STT3B: variants seen among roughly 807,000 people sequenced by gnomAD.
STT3B encodes the protein STT3 oligosaccharyltransferase complex catalytic subunit B.
A neutral mutation model predicts 96.8 loss-of-function variants in STT3B; 29 were observed. The observed-to-expected ratio is 0.30, with a 90% CI of 0.22 to 0.41. STT3B has a LOEUF of 0.41. Among genes scored for constraint, STT3B ranks in the 10% least tolerant of loss-of-function variants. The pLI, the probability that STT3B is intolerant of heterozygous loss-of-function variation, is 1.00. For synonymous variants in STT3B, 367 were observed against 360.0 expected, an observed-to-expected ratio of 1.02 and a Z score of -0.22; for missense variants, 640 against 1,022.3, an observed-to-expected ratio of 0.63 and a Z score of 5.10.
chr3:31,619,775 C>T lies in STT3B; in HGVS notation c.1272C>T (p.Thr424=). The change falls in exon 9 of 16, where the codon ACC becomes ACT. Residue 424 remains threonine, a synonymous_variant. Coordinates refer to ENST00000295770, the MANE Select transcript of STT3B (RefSeq NM_178862.3). The part of the protein sequence containing the change: ...FFFDLHILVC[T]FPAGLWFCIK... Reference sequence around the variant, plus strand: ...TTGATCTACATATTCTTGTATGTACCTTCCCAGCAGGCCTTTGGTTCTGCA... The same window carrying T: ...TTGATCTACATATTCTTGTATGTACTTTCCCAGCAGGCCTTTGGTTCTGCA... 6.2e-7 allele frequency: 1 copy of T among 1,613,802 alleles called. No individual in the cohort carries two copies. Among genetic ancestry groups the T allele is most frequent in the Non-Finnish European group, 8.5e-7 (1 of 1,179,886 alleles).
chr3:31,599,778 A>G (rs1405148246), intron 4 of STT3B, among the ~76,000 whole-genome samples: 1 of 152,206 alleles, frequency 6.6e-6, no homozygotes, highest in Non-Finnish European at 1.5e-5. Flanking sequence ...TTCTGGCTAA[A>G]TAGTGTATAT....
At chr3:31,605,047 A>G (rs1157737704) in intron 5 of STT3B, among the ~76,000 whole-genome samples, 1 of 152,212 alleles carries the variant, frequency 6.6e-6, no homozygotes, top group Non-Finnish European at 1.5e-5. Flanking sequence ...ATAGATGAAC[A>G]CAAAAAAATA....
At chr3:31,626,674 G>GCAATAA (rs1226827879) in intron 13 of STT3B, among the ~76,000 whole-genome samples, 23 of 152,278 alleles carry the variant, frequency 1.5e-4, no homozygotes, top group Non-Finnish European at 2.5e-4. Flanking sequence ...ACTAGGTCTA[G>GCAATAA]TTCTAGGATC....
chr3:31,543,147 C>T (rs933814776), intron 1 of STT3B, among the ~76,000 whole-genome samples: 13 of 151,140 alleles, frequency 8.6e-5, no homozygotes, highest in African/African-American at 2.9e-4. Flanking sequence ...CTGTGTCTTA[C>T]GTGAGAGGTC....
chr3:31,557,890 A>T (rs1337842884), intron 1 of STT3B, among the ~76,000 whole-genome samples: 1 of 152,176 alleles, frequency 6.6e-6, no homozygotes, highest in African/African-American at 2.4e-5. Context: ...TCAGCCTCCC[A>T]AAGTGTTGGG....
intron 5 of STT3B, among the ~76,000 whole-genome samples, chr3:31,607,993 G>A (rs915168538): frequency 1.3e-5 from 2 of 152,196 alleles, no homozygotes; most frequent in African/African-American, 2.4e-5. Context: ...AATTAAACAA[G>A]TAGTTTTGAT....
rs749665192 is a variant in STT3B, at chr3:31,622,171, G to A, written c.1402G>A (p.Val468Met). Residue 468 changes from valine (V) to methionine (M), a missense_variant, in exon 10 of 16, where the codon GTG becomes ATG. By Grantham distance (21) the Val-to-Met change is conservative (BLOSUM62 1). Transcript: ENST00000295770. ...VRLMLTLTPV[V>M]CMLSAIAFSN... ...ACTGATGTTGACTTTGACTCCAGTCGTGTGTATGCTGTCTGCAATTGCCTT... is the reference window on the plus strand; with the variant it reads ...ACTGATGTTGACTTTGACTCCAGTCATGTGTATGCTGTCTGCAATTGCCTT... 1.2e-6 allele frequency: 2 copies of A among 1,614,098 alleles called. No individual in the cohort carries two copies. Among genetic ancestry groups the A allele is most frequent in the South Asian group, 1.1e-5 (1 of 91,084 alleles).
intron 2 of STT3B, among the ~76,000 whole-genome samples, chr3:31,577,007 A>G (rs1489520902): frequency 2.6e-5 from 4 of 152,148 alleles, no homozygotes; most frequent in African/African-American, 9.6e-5. Flanking sequence ...AAAGGCAAAT[A>G]TTTTTAGGAT....
At chr3:31,555,537 C>T (rs1013862330) in intron 1 of STT3B, among the ~76,000 whole-genome samples, 1 of 152,008 alleles carries the variant, frequency 6.6e-6, no homozygotes, top group Admixed American at 6.6e-5. Context: ...TCTGTTTTGG[C>T]CCTGATTGCT....
chr3:31,620,497 C>T (rs911923721), intron 9 of STT3B, among the ~76,000 whole-genome samples: 2 of 152,082 alleles, frequency 1.3e-5, no homozygotes, highest in Non-Finnish European at 2.9e-5. Context: ...TTCCAGATTT[C>T]AGAGCAAAGA....
At chr3:31,593,527 TTTTATC>T (rs1484268387) in intron 3 of STT3B, among the ~76,000 whole-genome samples, 1 of 152,126 alleles carries the variant, frequency 6.6e-6, no homozygotes, top group African/African-American at 2.4e-5. Context: ...CTTTAAATGT[TTTTATC>T]TGTCTGTCTT....
chr3:31,628,565 G>A (rs1246833740), intron 13 of STT3B, among the ~76,000 whole-genome samples: 8 of 152,180 alleles, frequency 5.3e-5, no homozygotes, highest in African/African-American at 1.9e-4. Context: ...TTCTGACTCA[G>A]AAATTACATT....
intron 1 of STT3B, among the ~76,000 whole-genome samples, chr3:31,554,755 C>G (rs957352000): frequency 1.3e-5 from 2 of 152,148 alleles, no homozygotes; most frequent in Non-Finnish European, 2.9e-5. Flanking sequence ...CAGATTCTTA[C>G]AGACCCTCAC....
intron 1 of STT3B, among the ~76,000 whole-genome samples, chr3:31,536,984 A>G (rs909303369): frequency 2.6e-5 from 4 of 152,234 alleles, no homozygotes; most frequent in Non-Finnish European, 5.9e-5. Context: ...GAAGCAATGA[A>G]GTTCCCTATG....
chr3:31,576,292 A>G, intron 1 of STT3B, 104 bp from the exon 2 acceptor site: 1 of 589,230 alleles, frequency 1.7e-6, no homozygotes, highest in South Asian at 2.9e-5. Flanking sequence ...GTTTGATGAA[A>G]ACGCTCTGAA....
At chr3:31,565,583 G>C (rs150113799) in intron 1 of STT3B, among the ~76,000 whole-genome samples, 1 of 152,198 alleles carries the variant, frequency 6.6e-6, no homozygotes, top group Non-Finnish European at 1.5e-5. Flanking sequence ...GTTAATATAA[G>C]AAGTATGAGA....
At chr3:31,608,837 C>T (rs1280597251) in intron 5 of STT3B, among the ~76,000 whole-genome samples, 1 of 152,188 alleles carries the variant, frequency 6.6e-6, no homozygotes, top group Non-Finnish European at 1.5e-5. Flanking sequence ...GATGTGTTGG[C>T]CAGGTGCAGT....
chr3:31,618,094 A>C (rs1699349330), intron 8 of STT3B, 106 bp downstream of exon 8: 1 of 779,332 alleles, frequency 1.3e-6, no homozygotes, highest in African/African-American at 1.7e-5. Flanking sequence ...CAACACTTCT[A>C]AGTACCAAAG....
intron 15 of STT3B, 34 bp downstream of exon 15, chr3:31,633,181 T>G: frequency 6.3e-7 from 1 of 1,576,052 alleles, no homozygotes; most frequent in Non-Finnish European, 8.7e-7. Context: ...AAGGGTAACT[T>G]AAGGTGTGTT....
Sources: gnomAD v4.1 joint callset for allele counts (sites outside exome capture counted in the v4.1 genomes callset) on GRCh38, gnomAD v4.1.1 for gene constraint, MANE v1.5 for transcripts, NCBI Gene and HGNC (gene_info 2026-07-23, HGNC 2026-07-21) for gene names.